Variants in LRP1B observed in about 807,000 individuals in gnomAD.
LRP1B encodes LDL receptor related protein 1B.
In LRP1B, 217 loss-of-function variants were observed where a neutral mutation model predicts 556.6. The observed-to-expected ratio is 0.39, with a 90% CI of 0.35 to 0.44. The LOEUF is 0.44. Ranked by LOEUF, LRP1B falls within the 20% of genes least tolerant of loss-of-function variation. The pLI is 1.00. For missense variants in LRP1B, 5,053 were observed against 5,620.8 expected (o/e 0.90, Z 3.23); for synonymous variants, 2,047 against 1,865.8 (o/e 1.10, Z -2.50).
At chr2:141,656,962 G>A (rs2196598) in intron 2 of LRP1B, among the ~76,000 whole-genome samples, 23,036 of 152,038 alleles carry the variant, frequency 0.15, 2,384 homozygotes, top group East Asian at 0.44. Context: ...AGAGAAGCCA[G>A]TTTACACAAA....
intron 15 of LRP1B, among the ~76,000 whole-genome samples, chr2:140,996,401 C>T (rs1697247219): frequency 1.3e-5 from 2 of 151,972 alleles, no homozygotes; most frequent in Admixed American, 1.3e-4. Flanking sequence ...GATAAGACAG[C>T]AGCTTAGAAG....
At chr2:141,561,230 C>T (rs760202057) in intron 2 of LRP1B, among the ~76,000 whole-genome samples, 27 of 151,638 alleles carry the variant, frequency 1.8e-4, no homozygotes, top group Middle Eastern at 3.2e-3. Flanking sequence ...TGCTATATGC[C>T]ATTATGTTCC....
intron 7 of LRP1B, among the ~76,000 whole-genome samples, chr2:141,090,855 C>T (rs759370594): frequency 6.6e-6 from 1 of 152,084 alleles, no homozygotes; most frequent in Non-Finnish European, 1.5e-5. Flanking sequence ...CATCATGACA[C>T]ATATTTGACA....
chr2:140,670,454 A>T (rs1685438410), intron 41 of LRP1B, among the ~76,000 whole-genome samples: 1 of 152,176 alleles, frequency 6.6e-6, no homozygotes, highest in Non-Finnish European at 1.5e-5. Context: ...CAAGTAATGG[A>T]TACTTGTATA....
At chr2:141,404,782 T>C (rs1344036266) in intron 3 of LRP1B, among the ~76,000 whole-genome samples, 1 of 152,124 alleles carries the variant, frequency 6.6e-6, no homozygotes, top group Admixed American at 6.6e-5. Flanking sequence ...CCTTCTAAGA[T>C]GAGTAAAATG....
chr2:141,987,085 A>C (rs1410800159), intron 1 of LRP1B, among the ~76,000 whole-genome samples: 1 of 151,978 alleles, frequency 6.6e-6, no homozygotes, highest in Admixed American at 6.6e-5. Flanking sequence ...CACTTTTATC[A>C]ATGTTATTTT....
At chr2:141,597,190 T>A (rs906608084) in intron 2 of LRP1B, among the ~76,000 whole-genome samples, 2 of 151,990 alleles carry the variant, frequency 1.3e-5, no homozygotes, top group African/African-American at 4.8e-5. Flanking sequence ...ACCACCAGTT[T>A]GAAGCAAAAT....
At chr2:141,425,523 TA>T in intron 3 of LRP1B, among the ~76,000 whole-genome samples, 1 of 150,890 alleles carries the variant, frequency 6.6e-6, no homozygotes, top group Admixed American at 6.6e-5. Flanking sequence ...TGAACTAGTT[TA>T]CAGTCCCACC....
chr2:140,283,622 G>T (rs1683008457), intron 84 of LRP1B, among the ~76,000 whole-genome samples: 1 of 151,668 alleles, frequency 6.6e-6, no homozygotes, highest in Non-Finnish European at 1.5e-5. Context: ...TCAAAAATTT[G>T]ATTTGAGTGA....
chr2:141,961,545 A>G (rs1701405030), intron 1 of LRP1B, among the ~76,000 whole-genome samples: 1 of 151,718 alleles, frequency 6.6e-6, no homozygotes, highest in Non-Finnish European at 1.5e-5. Context: ...GTGTATTTCA[A>G]ATTAAAACAC....
chr2:140,361,341 CATATATATATATATATATATATATAT>C (rs67208978), intron 72 of LRP1B, among the ~76,000 whole-genome samples: 5 of 30,714 alleles, frequency 1.6e-4, no homozygotes, highest in East Asian at 2.1e-3. Context: ...ACTTGGAAAG[CATATATATATATATATATATATATAT>C]ATATATATAT....
intron 2 of LRP1B, among the ~76,000 whole-genome samples, chr2:141,595,517 A>T (rs757184599): frequency 6.6e-6 from 1 of 152,154 alleles, no homozygotes; most frequent in Non-Finnish European, 1.5e-5. Context: ...GAAAAAAGAT[A>T]CTATACTAAG....
chr2:140,959,220 T>A (rs1337875043), intron 18 of LRP1B, among the ~76,000 whole-genome samples: 1 of 151,632 alleles, frequency 6.6e-6, no homozygotes, highest in Non-Finnish European at 1.5e-5. Context: ...AATGTAAGAA[T>A]TAATGTGATC....
chr2:141,692,818 C>G (rs187021426), intron 2 of LRP1B, among the ~76,000 whole-genome samples: 150 of 152,134 alleles, frequency 9.9e-4, no homozygotes, highest in Non-Finnish European at 1.0e-3. Context: ...ACACTCTCAG[C>G]AACTGTAATA....
chr2:141,731,107 T>C (rs1693255014), intron 2 of LRP1B, among the ~76,000 whole-genome samples: 1 of 152,052 alleles, frequency 6.6e-6, no homozygotes, highest in Admixed American at 6.6e-5. Flanking sequence ...ACAAAGACCA[T>C]TTGCTAAGGG....
At chr2:141,465,453 C>T (rs756106313) in intron 3 of LRP1B, among the ~76,000 whole-genome samples, 1 of 152,116 alleles carries the variant, frequency 6.6e-6, no homozygotes, top group East Asian at 1.9e-4. Flanking sequence ...TTTCCTCAGG[C>T]CGCAGGTAGC....
At chr2:140,263,847 C>G (rs1004354005) in intron 86 of LRP1B, among the ~76,000 whole-genome samples, 2 of 146,950 alleles carry the variant, frequency 1.4e-5, no homozygotes, top group African/African-American at 5.1e-5. Context: ...CTGCCATCTT[C>G]TACCCATTAC....
At chr2:141,111,530 A>C (rs1010330465) in intron 7 of LRP1B, among the ~76,000 whole-genome samples, 3 of 152,166 alleles carry the variant, frequency 2.0e-5, no homozygotes, top group African/African-American at 4.8e-5. Flanking sequence ...CACTTAAGGG[A>C]CCTTGTACTA....
At chr2:141,027,964 T>A (rs943889307) in intron 11 of LRP1B, among the ~76,000 whole-genome samples, 2 of 152,060 alleles carry the variant, frequency 1.3e-5, no homozygotes, top group African/African-American at 4.8e-5. Context: ...TGCTCCAGAA[T>A]TGAGAGAAAC....
Sources: gnomAD v4.1 joint callset for allele counts (sites outside exome capture counted in the v4.1 genomes callset) on GRCh38, gnomAD v4.1.1 for gene constraint, MANE v1.5 for transcripts, NCBI Gene and HGNC (gene_info 2026-07-23, HGNC 2026-07-21) for gene names.